The following TMEM178B variants were observed in gnomAD, a reference collection of about 807,000 sequenced individuals.
The protein encoded by TMEM178B is transmembrane protein 178B.
Under a neutral mutation model 31.0 loss-of-function variants are expected in TMEM178B, and 5 were observed. That is an observed-to-expected ratio of 0.16 (90% CI 0.08 to 0.34). The LOEUF (loss-of-function observed/expected upper bound fraction) is 0.34, where lower values mean the gene tolerates loss of function less well. Ranked by LOEUF, TMEM178B falls within the 10% of genes least tolerant of loss-of-function variation. The pLI is 1.00. For synonymous variants in TMEM178B, 164 were observed against 164.0 expected, an observed-to-expected ratio of 1.00 and a Z score of 0.00; for missense variants, 275 against 400.3, an observed-to-expected ratio of 0.69 and a Z score of 2.67.
chr7:141,259,888 G>A (rs565289497), intron 2 of TMEM178B, among the ~76,000 whole-genome samples: 21 of 152,114 alleles, frequency 1.4e-4, no homozygotes, highest in Non-Finnish European at 2.2e-4. Flanking sequence ...TTTACTTTCC[G>A]TTATGCCCTT....
At chr7:141,387,932 C>G (rs1397812952) in intron 2 of TMEM178B, among the ~76,000 whole-genome samples, 3 of 152,216 alleles carry the variant, frequency 2.0e-5, no homozygotes, top group African/African-American at 4.8e-5. Flanking sequence ...CACTCCCTCA[C>G]TCTCTCCCCA....
At chr7:141,206,351 G>A (rs1404574185) in intron 1 of TMEM178B, among the ~76,000 whole-genome samples, 1 of 152,124 alleles carries the variant, frequency 6.6e-6, no homozygotes, top group African/African-American at 2.4e-5. Context: ...GGAAGAGCGA[G>A]GGGAGATGTG....
chr7:141,329,697 T>C (rs550967799), intron 2 of TMEM178B, among the ~76,000 whole-genome samples: 24 of 152,216 alleles, frequency 1.6e-4, no homozygotes, highest in Non-Finnish European at 3.4e-4. Flanking sequence ...TCAACCTGTG[T>C]TCCAGAAACA....
chr7:141,180,938 G>A (rs973889558), intron 1 of TMEM178B, among the ~76,000 whole-genome samples: 10 of 152,106 alleles, frequency 6.6e-5, no homozygotes, highest in Admixed American at 6.6e-4. Flanking sequence ...AAGGCTCCAT[G>A]TAAGGAAAAT....
intron 2 of TMEM178B, among the ~76,000 whole-genome samples, chr7:141,312,594 C>T (rs2040930): frequency 3.5e-4 from 53 of 152,182 alleles, no homozygotes; most frequent in Non-Finnish European, 6.8e-4. Context: ...TGTAAGGATT[C>T]CATAAATAGC....
At chr7:141,450,035 AC>A (rs1406978995) in intron 3 of TMEM178B, among the ~76,000 whole-genome samples, 2 of 152,170 alleles carry the variant, frequency 1.3e-5, no homozygotes, top group Non-Finnish European at 1.5e-5. Flanking sequence ...GTTTGCCTTT[AC>A]TCACCATGTC....
chr7:141,456,295 G>C (rs1407637075), intron 3 of TMEM178B, among the ~76,000 whole-genome samples: 1 of 152,128 alleles, frequency 6.6e-6, no homozygotes, highest in Non-Finnish European at 1.5e-5. Context: ...TCCTACCCCT[G>C]TATTTTATGG....
At chr7:141,425,916 C>A (rs537799632) in intron 2 of TMEM178B, among the ~76,000 whole-genome samples, 10 of 152,200 alleles carry the variant, frequency 6.6e-5, no homozygotes, top group African/African-American at 1.7e-4. Flanking sequence ...ACCTTCCCCC[C>A]CTATCTCTTC....
Position 141,367,526 on chromosome 7 carries a change from T to C in TMEM178B, c.497-70082T>C, listed in dbSNP as rs191905036. Reference sequence around the variant, plus strand: ...CAGACCTCATGTGATCTGCCTGCCTTGGCCTCCCAAAGTGCTGGCATAAGC... The same window carrying C: ...CAGACCTCATGTGATCTGCCTGCCTCGGCCTCCCAAAGTGCTGGCATAAGC... On this transcript the variant is annotated intron_variant, in intron 2 of 3. Coordinates refer to ENST00000565468, the MANE Select transcript of TMEM178B (RefSeq NM_001195278.2). Among the ~76,000 whole-genome samples the C allele has an allele frequency of 1.9e-3, 293 of 152,230 alleles. 3 individuals are homozygous for C. The highest frequency in any genetic ancestry group is 6.8e-3 in the African/African-American group (284 of 41,532).
At chr7:141,396,035 C>T (rs1056848071) in intron 2 of TMEM178B, among the ~76,000 whole-genome samples, 1 of 152,122 alleles carries the variant, frequency 6.6e-6, no homozygotes, top group Admixed American at 6.5e-5. Flanking sequence ...ATACGGGGAT[C>T]CTCCCAGCTC....
At chr7:141,202,603 G>A (rs986692109) in intron 1 of TMEM178B, among the ~76,000 whole-genome samples, 12 of 152,182 alleles carry the variant, frequency 7.9e-5, no homozygotes, top group Non-Finnish European at 1.2e-4. Flanking sequence ...AAATAAAAAC[G>A]TAGATAACAC....
chr7:141,086,157 T>C (rs923920703), intron 1 of TMEM178B, among the ~76,000 whole-genome samples: 8 of 151,766 alleles, frequency 5.3e-5, no homozygotes, highest in African/African-American at 1.9e-4. Flanking sequence ...TGCCTCAGCC[T>C]GCTGAGTAGC....
At chr7:141,353,894 T>C (rs893380564) in intron 2 of TMEM178B, among the ~76,000 whole-genome samples, 1 of 152,222 alleles carries the variant, frequency 6.6e-6, no homozygotes. Context: ...CTAATGATCA[T>C]TGAATTTGAT....
In TMEM178B at chr7:141,470,853, A is replaced by G. The variant is rs891857333; in HGVS notation, c.*67A>G. 1 of 904,428 alleles carries G rather than the reference A, an allele frequency of 1.1e-6. No individual in the cohort carries two copies. The highest frequency in any genetic ancestry group is 1.8e-5 in the African/African-American group (1 of 56,208). The allele number at this position is 904,428 out of a possible 1,614,324, so 56.0% of individuals were successfully genotyped here. A position where few individuals can be genotyped will look rare whatever the true frequency, so the allele number is the denominator to read the frequency against. Reference sequence around the variant, plus strand: ...ATATAATATACATATATAAAACAAAACAAAACTAAATCAAGACGATGCCAG... The same window carrying G: ...ATATAATATACATATATAAAACAAAGCAAAACTAAATCAAGACGATGCCAG... On this transcript the variant is annotated 3_prime_UTR_variant, in exon 4 of 4. Transcript: ENST00000565468.
intron 2 of TMEM178B, among the ~76,000 whole-genome samples, chr7:141,294,331 A>T (rs978987601): frequency 6.6e-6 from 1 of 152,196 alleles, no homozygotes; most frequent in African/African-American, 2.4e-5. Flanking sequence ...AAGAGAACGC[A>T]GCCCTTCTGA....
chr7:141,276,978 T>C (rs1028057747), intron 2 of TMEM178B, among the ~76,000 whole-genome samples: 7 of 152,232 alleles, frequency 4.6e-5, no homozygotes, highest in Admixed American at 4.6e-4. Context: ...AGGGCACTTA[T>C]CGTGAATGGA....
intron 2 of TMEM178B, among the ~76,000 whole-genome samples, chr7:141,299,710 T>C (rs1798692193): frequency 6.6e-6 from 1 of 152,224 alleles, no homozygotes; most frequent in Non-Finnish European, 1.5e-5. Flanking sequence ...TGTCCCTTCT[T>C]CCTAGCCACA....
At chr7:141,326,537 A>C (rs984062336) in intron 2 of TMEM178B, among the ~76,000 whole-genome samples, 55 of 152,294 alleles carry the variant, frequency 3.6e-4, no homozygotes, top group African/African-American at 1.3e-3. Context: ...CTGGGAATCG[A>C]ATGTTCCTAT....
chr7:141,312,091 T>C (rs893350595), intron 2 of TMEM178B, among the ~76,000 whole-genome samples: 3 of 152,350 alleles, frequency 2.0e-5, no homozygotes, highest in Admixed American at 2.0e-4. Context: ...GTGGTCTTAC[T>C]TATTCTCACA....
Sources: gnomAD v4.1 joint callset for allele counts (sites outside exome capture counted in the v4.1 genomes callset) on GRCh38, gnomAD v4.1.1 for gene constraint, MANE v1.5 for transcripts, NCBI Gene and HGNC (gene_info 2026-07-23, HGNC 2026-07-21) for gene names.